Variants in AS3MT observed in about 807,000 individuals in gnomAD.
AS3MT encodes the protein S-adenosyl-L-methionine:arsenic(III) methyltransferase.
A neutral mutation model predicts 45.3 loss-of-function variants in AS3MT; 47 were observed. That is an observed-to-expected ratio of 1.04 (90% CI 0.82 to 1.32). The LOEUF (loss-of-function observed/expected upper bound fraction) is 1.32. Among genes scored for constraint, AS3MT ranks in the 40% most tolerant of loss-of-function variants. The pLI, the probability that AS3MT is intolerant of heterozygous loss-of-function variation, is 0.00. For missense variants in AS3MT, 396 were observed against 451.1 expected, an observed-to-expected ratio of 0.88 and a Z score of 1.11; for synonymous variants, 141 against 152.8, an observed-to-expected ratio of 0.92 and a Z score of 0.57.
At chr10:102,880,217 A>G (rs1844852013) in intron 9 of AS3MT, among the ~76,000 whole-genome samples, 1 of 152,212 alleles carries the variant, frequency 6.6e-6, no homozygotes, top group Non-Finnish European at 1.5e-5. Context: ...GTGCATAGTA[A>G]GATTTGTTTT....
At chr10:102,888,568 T>C (rs1488009178) in intron 9 of AS3MT, among the ~76,000 whole-genome samples, 1 of 150,690 alleles carries the variant, frequency 6.6e-6, no homozygotes, top group Non-Finnish European at 1.5e-5. Flanking sequence ...ATTACAGGCA[T>C]GCACCACCAT....
In AS3MT at chr10:102,888,879, ATATT is replaced by A. The variant is rs1273654782; in HGVS notation, c.886-1663_886-1660del. On this transcript the variant is annotated intron_variant, in intron 9 of 10. Transcript: ENST00000369880. ...TATATATATATATATATATATATAT[ATATT>A]TTTTTTTTTTTTTTTGAGACGGAGT... Among the ~76,000 whole-genome samples the A allele has an allele frequency of 7.2e-3, 325 of 45,010 alleles. 1 individual carries two copies. The highest frequency in any genetic ancestry group is 0.047 in the South Asian group (42 of 902). 29.5% of individuals were successfully genotyped at this position (45,010 alleles called of 152,430 possible). A position where few individuals can be genotyped will look rare whatever the true frequency, so the allele number is the denominator to read the frequency against.
chr10:102,900,957 C>A lies in AS3MT; in HGVS notation c.*257C>A. On this transcript the variant is annotated 3_prime_UTR_variant, in exon 11 of 11. Coordinates refer to ENST00000369880, the MANE Select transcript of AS3MT (RefSeq NM_020682.4). ...AAAAAATTAGCTGGGCATGGTGGTG[C>A]ACACCTATAGTCTCAGCTACTCGGG... The A allele has an allele frequency of 2.8e-6, 1 of 352,646 alleles. No homozygotes were observed. The highest frequency in any genetic ancestry group is 2.9e-5 in the South Asian group (1 of 34,298). The allele number at this position is 352,646 out of a possible 1,614,324, so 21.8% of individuals were successfully genotyped here. A position where few individuals can be genotyped will look rare whatever the true frequency, so the allele number is the denominator to read the frequency against.
chr10:102,872,318 T>A lies in AS3MT; in HGVS notation c.171-130T>A, dbSNP rs1446979806. 3 of 950,570 alleles carry A rather than the reference T, an allele frequency of 3.2e-6. No homozygotes were observed. The African/African-American group carries it at 5.0e-5, about 16-fold the overall frequency. 58.9% of individuals were successfully genotyped at this position (950,570 alleles called of 1,614,324 possible). On this transcript the variant is annotated intron_variant, in intron 3 of 10. Transcript: ENST00000369880. ...GGAGACTAAACATCAGAAGTATGAG[T>A]GAATGATGCAAGAAAGAAGGAAGGA...
intron 10 of AS3MT, among the ~76,000 whole-genome samples, chr10:102,896,573 C>T (rs1845175707): frequency 1.3e-5 from 2 of 151,482 alleles, no homozygotes; most frequent in South Asian, 2.1e-4. Flanking sequence ...CTTTGGGAGC[C>T]GAGGCGGGTG....
At chr10:102,870,371 C>G (rs1031785809) in intron 3 of AS3MT, among the ~76,000 whole-genome samples, 160 bp downstream of exon 3, 2 of 152,160 alleles carry the variant, frequency 1.3e-5, no homozygotes, top group African/African-American at 4.8e-5. Context: ...TCTTACTGCT[C>G]TAAGAACCTC....
chr10:102,901,408 T>G lies in AS3MT; in HGVS notation c.*708T>G, dbSNP rs1564798014. The G allele has an allele frequency of 6.6e-6, 1 of 152,060 alleles. No homozygotes were observed. Among genetic ancestry groups the G allele is most frequent in the Admixed American group, 6.6e-5 (1 of 15,246 alleles). The allele number at this position is 152,060 out of a possible 1,614,324, so 9.4% of individuals were successfully genotyped here. A position where few individuals can be genotyped will look rare whatever the true frequency, so the allele number is the denominator to read the frequency against. On this transcript the variant is annotated 3_prime_UTR_variant, in exon 11 of 11. Coordinates refer to ENST00000369880, the MANE Select transcript of AS3MT (RefSeq NM_020682.4). The stretch of plus-strand genomic sequence containing the variant: ...CGGGGTTTCACCATGTTAGCCAGGA[T>G]GGTCTTGATCTCCTGACCTCGTGAT...
In AS3MT at chr10:102,881,490, A is replaced by C. The variant is rs944077610; in HGVS notation, c.885+2499A>C. ...TTTACTGAGGAACACAGAATTGTAT[A>C]TGTTTTCTGGCTCTATTATTTATTA... On this transcript the variant is annotated intron_variant, in intron 9 of 10. Coordinates refer to ENST00000369880, the MANE Select transcript of AS3MT (RefSeq NM_020682.4). This position sits in a 1 kb window ranked among gnomAD's most constrained non-coding sequence, Gnocchi z 4.2. Among the ~76,000 whole-genome samples, 2 of 152,202 alleles carry C rather than the reference A, an allele frequency of 1.3e-5. No individual in the cohort carries two copies. Among genetic ancestry groups the C allele is most frequent in the African/African-American group, 4.8e-5 (2 of 41,456 alleles).
chr10:102,878,644 C>T (rs2134115802), intron 8 of AS3MT, 134 bp downstream of exon 8: 1 of 1,380,648 alleles, frequency 7.2e-7, no homozygotes, highest in African/African-American at 1.5e-5. Context: ...ATCTTGCCTC[C>T]TGTACAATGG....
intron 9 of AS3MT, among the ~76,000 whole-genome samples, chr10:102,889,736 C>T (rs371454216): frequency 2.0e-5 from 3 of 148,484 alleles, no homozygotes; most frequent in Admixed American, 1.4e-4. Context: ...AGTGCAGTGG[C>T]GCAATCTCAG....
rs983185013 is a variant in AS3MT, at chr10:102,870,263, A to C, written c.170+52A>C. ...AAGACCCCAAACAGCAGTTTTCCCA[A>C]AAGATAATGATGCAGGTCACTAGGG... On this transcript the variant is annotated intron_variant, in intron 3 of 10. Transcript: ENST00000369880. The C allele has an allele frequency of 6.9e-6, 11 of 1,603,004 alleles. No homozygotes were observed. The African/African-American group carries it at 1.3e-4, about 20-fold the overall frequency.
rs560528336 is a variant in AS3MT, at chr10:102,869,495, C to T, written c.-98C>T. On this transcript the variant is annotated 5_prime_UTR_variant, in exon 1 of 11. Coordinates refer to ENST00000369880, the MANE Select transcript of AS3MT (RefSeq NM_020682.4). Reference sequence around the variant, plus strand: ...ACAGGAGCTGGCTGCGGGAGCCCGCCGTCCTGAGTCGCAGGCCGAGGAGAC... The same window carrying T: ...ACAGGAGCTGGCTGCGGGAGCCCGCTGTCCTGAGTCGCAGGCCGAGGAGAC... 30 of 1,537,676 alleles carry T rather than the reference C, an allele frequency of 2.0e-5. No individual in the cohort carries two copies. Among genetic ancestry groups the T allele is most frequent in the South Asian group, 1.8e-4 (15 of 84,178 alleles).
chr10:102,871,695 T>A (rs1844690657), intron 3 of AS3MT, among the ~76,000 whole-genome samples: 1 of 143,566 alleles, frequency 7.0e-6, no homozygotes, highest in Admixed American at 7.2e-5. Flanking sequence ...GCCACTGCAC[T>A]CCAGCCTGGG....
In AS3MT at chr10:102,900,850, G is replaced by GAGGC; in HGVS notation, c.*157_*160dup. The GAGGC allele has an allele frequency of 1.8e-6, 1 of 559,598 alleles. No individual in the cohort carries two copies. Among genetic ancestry groups the GAGGC allele is most frequent in the East Asian group, 3.1e-5 (1 of 31,750 alleles). 34.7% of individuals were successfully genotyped at this position (559,598 alleles called of 1,614,324 possible). Reference sequence around the variant, plus strand: ...TATAATCCCAGCACTTTGGGAGGCCGAGGCAGGCAGATCACCTGAGGTCAG... The same window carrying GAGGC: ...TATAATCCCAGCACTTTGGGAGGCCGAGGCAGGCAGGCAGATCACCTGAGGTCAG... On this transcript the variant is annotated 3_prime_UTR_variant, in exon 11 of 11. Transcript: ENST00000369880.
At chr10:102,894,548 C>T (rs1447699387) in intron 10 of AS3MT, among the ~76,000 whole-genome samples, 3 of 152,194 alleles carry the variant, frequency 2.0e-5, no homozygotes, top group Non-Finnish European at 2.9e-5. Flanking sequence ...GTTCAGGTCA[C>T]GAAGGGAAGG....
In AS3MT at chr10:102,889,994, C is replaced by CTTTT. The variant is rs763044924; in HGVS notation, c.886-537_886-534dup. ...TACACAGCCAGTTTCATTTTCTTTTCTTTTTTTTTTTTTTTTGAGACGGAG... is the reference window on the plus strand; with the variant it reads ...TACACAGCCAGTTTCATTTTCTTTTCTTTTTTTTTTTTTTTTTTTTGAGACGGAG... On this transcript the variant is annotated intron_variant, in intron 9 of 10. Coordinates refer to ENST00000369880, the MANE Select transcript of AS3MT (RefSeq NM_020682.4). 2.4e-5 allele frequency among the ~76,000 whole-genome samples: 3 copies of CTTTT among 126,292 alleles called. 1 individual carries two copies. The highest frequency in any genetic ancestry group is 3.3e-5 in the Non-Finnish European group (2 of 60,626). 82.9% of individuals were successfully genotyped at this position (126,292 alleles called of 152,430 possible). A position where few individuals can be genotyped will look rare whatever the true frequency, so the allele number is the denominator to read the frequency against.
chr10:102,875,051 A>G (rs1201886848), intron 6 of AS3MT, among the ~76,000 whole-genome samples: 1 of 152,166 alleles, frequency 6.6e-6, no homozygotes. Flanking sequence ...CTGATTTCTT[A>G]TCTGTCATGA....
intron 8 of AS3MT, 101 bp downstream of exon 8, chr10:102,878,611 C>T: frequency 6.8e-7 from 1 of 1,470,950 alleles, no homozygotes. Flanking sequence ...TTGAGGGATA[C>T]TTTCTGTTAT....
intron 10 of AS3MT, among the ~76,000 whole-genome samples, chr10:102,894,039 C>T (rs1845121130): frequency 6.6e-6 from 1 of 152,200 alleles, no homozygotes; most frequent in Non-Finnish European, 1.5e-5. Context: ...AGCTGTGCCA[C>T]CCCAGCAACA....
Sources: gnomAD v4.1 joint callset for allele counts (sites outside exome capture counted in the v4.1 genomes callset) on GRCh38, gnomAD v4.1.1 for gene constraint, Gnocchi (gnomAD v3.1) non-coding constraint, MANE v1.5 for transcripts, NCBI Gene and HGNC (gene_info 2026-07-23, HGNC 2026-07-21) for gene names.